Variants in ARB2A observed in about 807,000 individuals in gnomAD.
ARB2A encodes the protein ARB2 cotranscriptional regulator A, also known as cotranscriptional regulator ARB2A.
the ARB2A span, chr5:93,683,158 T>G: frequency 7.1e-7 from 1 of 1,401,290 alleles, no homozygotes; most frequent in Non-Finnish European, 1.0e-6. Flanking sequence ...GCGCTTTTTC[T>G]TCAGCTTCCT....
chr5:93,776,294 G>A, the ARB2A span: 2 of 1,422,516 alleles, frequency 1.4e-6, 1 homozygote, highest in South Asian at 2.6e-5. Flanking sequence ...AGCCAAGATG[G>A]AATTTTTAGG....
At chr5:93,718,676 T>C in the ARB2A span, among the ~76,000 whole-genome samples, 2 of 152,156 alleles carry the variant, frequency 1.3e-5, no homozygotes, top group African/African-American at 2.4e-5. Flanking sequence ...TTCTGAAAAA[T>C]GTCTAATTGT....
At chr5:93,678,270 A>G in the ARB2A span, among the ~76,000 whole-genome samples, 10 of 152,334 alleles carry the variant, frequency 6.6e-5, no homozygotes, top group African/African-American at 2.4e-4. Context: ...GTATCGTATC[A>G]AATGTAAAAG....
At chr5:93,942,457 A>T in the ARB2A span, among the ~76,000 whole-genome samples, 2 of 152,088 alleles carry the variant, frequency 1.3e-5, no homozygotes, top group Non-Finnish European at 2.9e-5. Flanking sequence ...AAATAAGAAA[A>T]AAATTTGTGT....
the ARB2A span, among the ~76,000 whole-genome samples, chr5:93,761,723 T>G: frequency 6.6e-6 from 1 of 152,312 alleles, no homozygotes; most frequent in Non-Finnish European, 1.5e-5. Flanking sequence ...TCTCCCAGCA[T>G]GCAGCTGGAG....
the ARB2A span, among the ~76,000 whole-genome samples, chr5:93,844,992 C>G: frequency 1.4e-4 from 22 of 152,138 alleles, no homozygotes; most frequent in African/African-American, 5.3e-4. Flanking sequence ...ACAGGTAGAC[C>G]ATGGAAAGCT....
chr5:93,815,978 C>A, the ARB2A span, among the ~76,000 whole-genome samples: 1 of 152,214 alleles, frequency 6.6e-6, no homozygotes, highest in Non-Finnish European at 1.5e-5. Context: ...GTAATAAGAT[C>A]TTTACTCAAA....
the ARB2A span, among the ~76,000 whole-genome samples, chr5:94,014,987 T>C: frequency 6.6e-6 from 1 of 150,428 alleles, no homozygotes; most frequent in Non-Finnish European, 1.5e-5. Context: ...CTCAAAGAAA[T>C]AGTAACAGAA....
chr5:93,891,789 C>T, the ARB2A span, among the ~76,000 whole-genome samples: 1 of 152,024 alleles, frequency 6.6e-6, no homozygotes, highest in East Asian at 1.9e-4. Flanking sequence ...ATTTTAACCG[C>T]CAGAGCATTC....
At chr5:93,878,034 T>A in the ARB2A span, among the ~76,000 whole-genome samples, 1 of 149,334 alleles carries the variant, frequency 6.7e-6, no homozygotes, top group Non-Finnish European at 1.5e-5. Flanking sequence ...TATATTCAGA[T>A]GAAAATATAT....
chr5:93,969,447 G>C, the ARB2A span, among the ~76,000 whole-genome samples: 1 of 152,004 alleles, frequency 6.6e-6, no homozygotes, highest in Admixed American at 6.5e-5. Flanking sequence ...AAAGTTAAAT[G>C]AATCCACAAT....
the ARB2A span, chr5:93,860,953 G>A: frequency 0.93 from 140,934 of 152,304 alleles, 65,365 homozygotes; most frequent in East Asian, 1. Flanking sequence ...GCCCACTTCT[G>A]TTTTCTTAGT....
chr5:94,026,105 A>T, the ARB2A span, among the ~76,000 whole-genome samples: 1 of 152,190 alleles, frequency 6.6e-6, no homozygotes, highest in Non-Finnish European at 1.5e-5. Context: ...AGGGGTGACC[A>T]CAATGCTAAA....
the ARB2A span, among the ~76,000 whole-genome samples, chr5:94,054,122 G>T: frequency 1.3e-5 from 2 of 152,156 alleles, no homozygotes; most frequent in Non-Finnish European, 2.9e-5. Context: ...TACGAAGAGT[G>T]TGTTATACCC....
the ARB2A span, among the ~76,000 whole-genome samples, chr5:93,847,574 TATAAA>T: frequency 5.9e-3 from 904 of 152,264 alleles, 5 homozygotes; most frequent in Non-Finnish European, 8.8e-3. Flanking sequence ...AAATTGTTAA[TATAAA>T]ATTAAGGGGA....
the ARB2A span, among the ~76,000 whole-genome samples, chr5:93,660,518 A>T: frequency 6.6e-6 from 1 of 152,150 alleles, no homozygotes; most frequent in South Asian, 2.1e-4. Flanking sequence ...AAATGCTTAT[A>T]ATTATTTGGA....
At chr5:93,883,644 A>G in the ARB2A span, among the ~76,000 whole-genome samples, 1 of 151,480 alleles carries the variant, frequency 6.6e-6, no homozygotes, top group Non-Finnish European at 1.5e-5. Context: ...GCCTCTTACA[A>G]CTTTTCACGC....
chr5:93,752,501 T>C, the ARB2A span, among the ~76,000 whole-genome samples: 1 of 152,140 alleles, frequency 6.6e-6, no homozygotes, highest in South Asian at 2.1e-4. Context: ...ACTGCCAAAT[T>C]CTTCGAAGGA....
chr5:93,679,685 A>G, the ARB2A span, among the ~76,000 whole-genome samples: 1 of 152,146 alleles, frequency 6.6e-6, no homozygotes, highest in Non-Finnish European at 1.5e-5. Context: ...AGAAAACATA[A>G]AAAAGCCTTA....
Sources: gnomAD v4.1 joint callset for allele counts (sites outside exome capture counted in the v4.1 genomes callset) on GRCh38, gnomAD v4.1.1 for gene constraint, MANE v1.5 for transcripts, NCBI Gene and HGNC (gene_info 2026-07-23, HGNC 2026-07-21) for gene names.